The following INTS2 variants were observed in gnomAD, a reference collection of about 807,000 sequenced individuals.
The protein encoded by INTS2 is KIAA1287.
A neutral mutation model predicts 139.6 loss-of-function variants in INTS2; 57 were observed. The ratio of observed to expected loss-of-function variants is 0.41; its 90% CI spans 0.33 to 0.51. INTS2 has a LOEUF of 0.51. INTS2 is among the 20% of genes least tolerant of loss of function. The pLI is 0.28. For missense variants in INTS2, 1,196 were observed against 1,436.7 expected, an observed-to-expected ratio of 0.83 and a Z score of 2.71; for synonymous variants, 473 against 493.4, an observed-to-expected ratio of 0.96 and a Z score of 0.55.
intron 9 of INTS2, among the ~76,000 whole-genome samples, chr17:61,898,029 C>G (rs1184047391): frequency 6.6e-6 from 1 of 152,038 alleles, no homozygotes; most frequent in Non-Finnish European, 1.5e-5. Context: ...CCTTAGAAAA[C>G]AAAGGCCCCT....
rs1376841256 is a variant in INTS2 at position 61,923,466 on chromosome 17, G to A, written c.432+1495C>T. Among the ~76,000 whole-genome samples the A allele has an allele frequency of 5.7e-5, 6 of 104,444 alleles. No individual in the cohort carries two copies. In the Admixed American group the frequency reaches 7.3e-4, roughly 13 times the overall value. 68.5% of individuals were successfully genotyped at this position (104,444 alleles called of 152,430 possible). ...CACTCCAGCCTGGGCGACAGAGTGAGACTCTGTCTCCAAAAAAAAAAAAAA... is the reference window on the plus strand; with the variant it reads ...CACTCCAGCCTGGGCGACAGAGTGAAACTCTGTCTCCAAAAAAAAAAAAAA... On this transcript the variant is annotated intron_variant, in intron 3 of 24. Transcript: ENST00000251334.
chr17:61,869,167 G>A lies in INTS2; in HGVS notation c.3139-28C>T. 6.6e-7 allele frequency: 1 copy of A among 1,513,448 alleles called. No individual in the cohort carries two copies. The highest frequency in any genetic ancestry group is 2.3e-5 in the East Asian group (1 of 44,308). The allele number at this position is 1,513,448 out of a possible 1,614,324, so 93.8% of individuals were successfully genotyped here. ...GCAATACAAAATCCAGTTATTACAT[G>A]TTTCTCAAGAATATCTTTAGGTATT... On this transcript the variant is annotated intron_variant, in intron 22 of 24. Transcript: ENST00000251334. This position sits in a 1 kb window ranked among gnomAD's most constrained non-coding sequence, Gnocchi z 5.4.
Position 61,869,212 on chromosome 17 carries a change from G to C in INTS2, c.3138+61C>G, listed in dbSNP as rs1163528811. On this transcript the variant is annotated intron_variant, in intron 22 of 24. Coordinates refer to ENST00000251334, the MANE Select transcript of INTS2 (RefSeq NM_001351695.2). This position sits in a 1 kb window ranked among gnomAD's most constrained non-coding sequence, Gnocchi z 5.4. ...GGTATTAAAAATTATAAAATGTTTT[G>C]TATAACTAGTAAGACTGGAGAGAGA... The C allele has an allele frequency of 6.9e-7, 1 of 1,440,566 alleles. No individual in the cohort carries two copies. Among genetic ancestry groups the C allele is most frequent in the African/African-American group, 1.4e-5 (1 of 70,678 alleles). 89.2% of individuals were successfully genotyped at this position (1,440,566 alleles called of 1,614,324 possible).
chr17:61,916,495 A>T (rs531050508), intron 5 of INTS2, among the ~76,000 whole-genome samples: 208 of 152,304 alleles, frequency 1.4e-3, no homozygotes, highest in African/African-American at 4.7e-3. Flanking sequence ...AAATAAAGCC[A>T]CACACCTACA....
Position 61,893,681 on chromosome 17 carries a change from C to A in INTS2, c.1698+84G>T. On this transcript the variant is annotated intron_variant, in intron 13 of 24. Coordinates refer to ENST00000251334, the MANE Select transcript of INTS2 (RefSeq NM_001351695.2). This position sits in a 1 kb window ranked among gnomAD's most constrained non-coding sequence, Gnocchi z 5.4. The stretch of plus-strand genomic sequence containing the variant: ...CTGCACTCCAACCTGGGTGACTGAG[C>A]AAGACTCCATCTCAAAAGAAAAAAA... 5.7e-6 allele frequency: 6 copies of A among 1,047,052 alleles called. No individual in the cohort carries two copies. The highest frequency in any genetic ancestry group is 2.9e-5 in the South Asian group (1 of 34,630). The allele number at this position is 1,047,052 out of a possible 1,614,324, so 64.9% of individuals were successfully genotyped here.
intron 16 of INTS2, among the ~76,000 whole-genome samples, chr17:61,884,629 T>C (rs1328181064): frequency 1.3e-5 from 2 of 152,276 alleles, no homozygotes; most frequent in East Asian, 3.9e-4. Flanking sequence ...TAGCTCTAAA[T>C]TAGCTGAATA....
intron 2 of INTS2, among the ~76,000 whole-genome samples, chr17:61,925,799 T>C (rs2079705474): frequency 6.6e-6 from 1 of 151,536 alleles, no homozygotes; most frequent in Non-Finnish European, 1.5e-5. Flanking sequence ...CCAAGGCAGG[T>C]GGATCACCTG....
In INTS2 at chr17:61,907,517, C is replaced by G. The variant is rs1289318602; in HGVS notation, c.1072G>C (p.Asp358His). Reference protein sequence around the residue: ...STRIVEEADVDMEPNVSVYSG... With the variant: ...STRIVEEADVHMEPNVSVYSG... ...TACACAGACACATTGGGCTCCATAT[C>G]CACATCAGCTTCTTCCACAATTCGG... Residue 358 changes from aspartate (D) to histidine (H), a missense_variant, in exon 8 of 25, where the codon GAT becomes CAT. Asp to His is a moderately conservative substitution (Grantham distance 81). Around this residue, in one of 3 missense-constraint regions of INTS2, gnomAD observed 1,129 missense variants for 1,341.9 expected, o/e 0.84. Coordinates refer to ENST00000251334, the MANE Select transcript of INTS2 (RefSeq NM_001351695.2). The G allele has an allele frequency of 6.2e-7, 1 of 1,600,250 alleles. No homozygotes were observed. The highest frequency in any genetic ancestry group is 2.2e-5 in the East Asian group (1 of 44,570).
At chr17:61,904,142 A>T (rs1251377695) in intron 9 of INTS2, among the ~76,000 whole-genome samples, 1 of 152,262 alleles carries the variant, frequency 6.6e-6, no homozygotes, top group African/African-American at 2.4e-5. Context: ...TCCTTATTTT[A>T]AAAAAATACA....
In INTS2 at chr17:61,899,254, A is replaced by C. The variant is rs570375280; in HGVS notation, c.1308-1515T>G. Among the ~76,000 whole-genome samples, 107 of 151,892 alleles carry C rather than the reference A, an allele frequency of 7.0e-4. 1 individual carries two copies. Among genetic ancestry groups the C allele is most frequent in the African/African-American group, 2.5e-3 (103 of 41,468 alleles). On this transcript the variant is annotated intron_variant, in intron 9 of 24. Coordinates refer to ENST00000251334, the MANE Select transcript of INTS2 (RefSeq NM_001351695.2). ...TCACTGTAGCTCTCAAATGTTAAGAACTTTTTTTTTGTTTTTGAGAAGTTT... is the reference window on the plus strand; with the variant it reads ...TCACTGTAGCTCTCAAATGTTAAGACCTTTTTTTTTGTTTTTGAGAAGTTT...
chr17:61,874,811 G>C (rs2079114597), intron 19 of INTS2, 102 bp downstream of exon 19: 1 of 991,802 alleles, frequency 1.0e-6, no homozygotes, highest in African/African-American at 1.7e-5. Context: ...CTACTTATCT[G>C]CAAGAAAAAT....
chr17:61,897,895 T>C lies in INTS2; in HGVS notation c.1308-156A>G, dbSNP rs977293958. ...AGGCTTGCTGAATTGGGCCATTAAT[T>C]GTCATTGAGGTATGAAGTAATTCTA... On this transcript the variant is annotated intron_variant, in intron 9 of 24. Transcript: ENST00000251334. This position sits in a 1 kb window ranked among gnomAD's most constrained non-coding sequence, Gnocchi z 4.4. Among the ~76,000 whole-genome samples the C allele has an allele frequency of 2.0e-5, 3 of 152,202 alleles. No homozygotes were observed. Among genetic ancestry groups the C allele is most frequent in the Non-Finnish European group, 2.9e-5 (2 of 68,038 alleles).
rs575186360 is a variant in INTS2 at position 61,918,895 on chromosome 17, T to C, written c.649+505A>G. 1.6e-4 allele frequency among the ~76,000 whole-genome samples: 24 copies of C among 151,900 alleles called. 1 individual carries two copies. Among genetic ancestry groups the C allele is most frequent in the Admixed American group, 4.6e-4 (7 of 15,226 alleles). On this transcript the variant is annotated intron_variant, in intron 5 of 24. Coordinates refer to ENST00000251334, the MANE Select transcript of INTS2 (RefSeq NM_001351695.2). Reference sequence around the variant, plus strand: ...ATGTATCTTCTTTGATCCCTGATTATAGATATTACATCTTCTAGTTCCTTG... The same window carrying C: ...ATGTATCTTCTTTGATCCCTGATTACAGATATTACATCTTCTAGTTCCTTG...
rs1012879694 is a variant in INTS2 at position 61,871,495 on chromosome 17, T to C, written c.2778+770A>G. Among the ~76,000 whole-genome samples the C allele has an allele frequency of 6.6e-6, 1 of 152,234 alleles. No homozygotes were observed. The highest frequency in any genetic ancestry group is 1.5e-5 in the Non-Finnish European group (1 of 68,020). The stretch of plus-strand genomic sequence containing the variant: ...TTTATCACTGCCTGACATTTTATTA[T>C]ACATGCAGTTGTTTTTCTGTTGTCT... On this transcript the variant is annotated intron_variant, in intron 20 of 24. Coordinates refer to ENST00000251334, the MANE Select transcript of INTS2 (RefSeq NM_001351695.2). The surrounding 1 kb of genome is among the most constrained non-coding windows in gnomAD (Gnocchi z 4.9).
intron 4 of INTS2, among the ~76,000 whole-genome samples, 157 bp downstream of exon 4, chr17:61,921,563 TACTTA>T (rs569971804): frequency 2.7e-4 from 41 of 152,352 alleles, no homozygotes; most frequent in African/African-American, 9.4e-4. Flanking sequence ...TAATATAATT[TACTTA>T]ATCATTGTCC....
chr17:61,867,522 G>T lies in INTS2; in HGVS notation c.*35C>A. 1 of 1,418,708 alleles carries T rather than the reference G, an allele frequency of 7.0e-7. No individual in the cohort carries two copies. Among genetic ancestry groups the T allele is most frequent in the Non-Finnish European group, 9.8e-7 (1 of 1,020,738 alleles). The allele number at this position is 1,418,708 out of a possible 1,614,324, so 87.9% of individuals were successfully genotyped here. ...ATATGCAGATTCATGTTGGGTATAT[G>T]CAGCAAACAACTTTTTGTTGTTTTA... On this transcript the variant is annotated 3_prime_UTR_variant, in exon 25 of 25. Coordinates refer to ENST00000251334, the MANE Select transcript of INTS2 (RefSeq NM_001351695.2). This position sits in a 1 kb window ranked among gnomAD's most constrained non-coding sequence, Gnocchi z 5.6.
chr17:61,901,573 A>AT (rs1477309662), intron 9 of INTS2, among the ~76,000 whole-genome samples: 7 of 80,136 alleles, frequency 8.7e-5, no homozygotes, highest in Non-Finnish European at 1.2e-4. Context: ...AGGCAGAATG[A>AT]TTTCTTTTTT....
At position 61,891,605 on chromosome 17, in the gene INTS2, T is replaced by C. The variant is rs769036437; in HGVS notation, c.1783A>G (p.Ile595Val). 4.5e-5 allele frequency: 72 copies of C among 1,613,362 alleles called. No individual in the cohort carries two copies. The highest frequency in any genetic ancestry group is 5.5e-5 in the Non-Finnish European group (65 of 1,179,484). The change falls in exon 14 of 25, where the codon ATA becomes GTA. Residue 595 changes from isoleucine to valine, a missense_variant. Ile to Val is a conservative substitution (Grantham distance 29, BLOSUM62 3). Transcript: ENST00000251334. The stretch of plus-strand genomic sequence containing the variant: ...TTAGATTTCGACGCAGGAGTAAGTA[T>C]AGAATTTATGTACACATCAATCAAA... ...LPLIDVYINS[I>V]LTPASKSNPE...
chr17:61,924,564 A>C (rs1485787639), intron 3 of INTS2, among the ~76,000 whole-genome samples: 1 of 152,184 alleles, frequency 6.6e-6, no homozygotes, highest in Non-Finnish European at 1.5e-5. Context: ...CATGCCTGTA[A>C]TCCCAACACT....
Sources: allele counts gnomAD v4.1 joint callset (sites outside exome capture counted in the v4.1 genomes callset), GRCh38; gene constraint gnomAD v4.1.1; regional missense constraint gnomAD v4.1.1; non-coding constraint Gnocchi (gnomAD v3.1); transcripts MANE v1.5; gene names NCBI Gene and HGNC (gene_info 2026-07-23, HGNC 2026-07-21).